The following RAB6A variants were observed in gnomAD, a reference collection of about 807,000 sequenced individuals.
RAB6A encodes the protein ras-related protein Rab-6A.
Under a neutral mutation model 32.3 loss-of-function variants are expected in RAB6A, and 8 were observed. The observed-to-expected ratio is 0.25, with a 90% confidence interval of 0.15 to 0.45. The LOEUF (loss-of-function observed/expected upper bound fraction) is 0.45, where lower values mean the gene tolerates loss of function less well. RAB6A is among the 20% of genes least tolerant of loss of function. The pLI is 1.00. For synonymous variants in RAB6A, 73 were observed against 82.1 expected (o/e 0.89, Z 0.60); for missense variants, 104 against 249.4 (o/e 0.42, Z 3.93).
chr11:73,717,083 G>A (rs1300651604), intron 4 of RAB6A, among the ~76,000 whole-genome samples: 3 of 152,150 alleles, frequency 2.0e-5, no homozygotes, highest in Admixed American at 2.0e-4. Flanking sequence ...ACGTGTCAAT[G>A]CACAATATGA....
chr11:73,682,288 G>GT (rs1945371493), intron 6 of RAB6A, among the ~76,000 whole-genome samples: 1 of 152,092 alleles, frequency 6.6e-6, no homozygotes, highest in South Asian at 2.1e-4. Context: ...GAGAGACCTT[G>GT]TTTTAAAAAA....
intron 5 of RAB6A, among the ~76,000 whole-genome samples, chr11:73,709,950 C>CATATATAT (rs71065028): frequency 3.1e-4 from 18 of 57,382 alleles, no homozygotes; most frequent in African/African-American, 4.0e-4. Context: ...CACACACACA[C>CATATATAT]ATATATATAT....
At chr11:73,684,588 CT>C (rs759381510) in intron 6 of RAB6A, among the ~76,000 whole-genome samples, 2 of 152,166 alleles carry the variant, frequency 1.3e-5, no homozygotes, top group Non-Finnish European at 2.9e-5. Context: ...GATATATTCA[CT>C]TTATTGTAGT....
chr11:73,712,788 C>T (rs1945984063), intron 5 of RAB6A, among the ~76,000 whole-genome samples: 1 of 150,112 alleles, frequency 6.7e-6, no homozygotes, highest in African/African-American at 2.5e-5. Context: ...GACACGATCT[C>T]AGATCACTGA....
chr11:73,702,897 C>G (rs1945769510), intron 6 of RAB6A, among the ~76,000 whole-genome samples: 1 of 151,534 alleles, frequency 6.6e-6, no homozygotes, highest in East Asian at 1.9e-4. Context: ...CGCTCTGTCA[C>G]CCAGGCTGGA....
chr11:73,727,273 T>G (rs1199799861), intron 2 of RAB6A, among the ~76,000 whole-genome samples: 1 of 151,698 alleles, frequency 6.6e-6, no homozygotes, highest in South Asian at 2.1e-4. Context: ...AAAATTTTTT[T>G]TAATTAGCTG....
At chr11:73,741,551 T>C (rs978259915) in intron 1 of RAB6A, among the ~76,000 whole-genome samples, 1 of 150,938 alleles carries the variant, frequency 6.6e-6, no homozygotes, top group East Asian at 1.9e-4. Flanking sequence ...AGGACGTACA[T>C]GTATGTTTAC....
At chr11:73,725,127 G>GT (rs1946196855) in intron 2 of RAB6A, among the ~76,000 whole-genome samples, 1 of 152,202 alleles carries the variant, frequency 6.6e-6, no homozygotes, top group Non-Finnish European at 1.5e-5. Flanking sequence ...AGATGATGTG[G>GT]TAAGAAAAAT....
At chr11:73,738,830 G>A (rs551214340) in intron 1 of RAB6A, among the ~76,000 whole-genome samples, 1 of 151,610 alleles carries the variant, frequency 6.6e-6, no homozygotes, top group South Asian at 2.1e-4. Flanking sequence ...TGTAGTCCCA[G>A]TTACTTGAGA....
intron 1 of RAB6A, 120 bp from the exon 2 acceptor site, chr11:73,730,943 GA>G: frequency 4.3e-6 from 3 of 695,064 alleles, no homozygotes; most frequent in East Asian, 5.5e-5. Flanking sequence ...GTTCTACTAA[GA>G]ATAATTAAAA....
intron 2 of RAB6A, among the ~76,000 whole-genome samples, chr11:73,724,482 T>C (rs1457390508): frequency 6.7e-6 from 1 of 149,026 alleles, no homozygotes; most frequent in African/African-American, 2.5e-5. Context: ...TAAATGCATT[T>C]CGTTTTTTTT....
chr11:73,689,006 C>T (rs1232425509), intron 6 of RAB6A, among the ~76,000 whole-genome samples: 1 of 151,974 alleles, frequency 6.6e-6, no homozygotes, highest in East Asian at 1.9e-4. Context: ...TCCTGTAGTC[C>T]AAGCTATTCA....
At chr11:73,736,530 G>A (rs1049385152) in intron 1 of RAB6A, among the ~76,000 whole-genome samples, 7 of 151,810 alleles carry the variant, frequency 4.6e-5, no homozygotes, top group South Asian at 2.1e-4. Context: ...TGTGGCTCAC[G>A]CCTGTAATCC....
intron 6 of RAB6A, among the ~76,000 whole-genome samples, chr11:73,693,321 A>C (rs1945606137): frequency 6.6e-6 from 1 of 151,940 alleles, no homozygotes; most frequent in Non-Finnish European, 1.5e-5. Context: ...TAAATAAATA[A>C]AGGATTTAAG....
intron 6 of RAB6A, among the ~76,000 whole-genome samples, chr11:73,682,764 A>G (rs958129085): frequency 1.3e-5 from 2 of 152,134 alleles, no homozygotes; most frequent in Non-Finnish European, 2.9e-5. Context: ...CCTGGGCTGA[A>G]GTGATCCTCC....
chr11:73,680,143 C>T (rs1019891276), intron 6 of RAB6A, among the ~76,000 whole-genome samples: 1 of 151,918 alleles, frequency 6.6e-6, no homozygotes, highest in Non-Finnish European at 1.5e-5. Context: ...TCTATTCATT[C>T]TATAAACGAG....
chr11:73,710,188 G>C (rs1442182103), intron 5 of RAB6A, among the ~76,000 whole-genome samples: 2 of 148,142 alleles, frequency 1.4e-5, no homozygotes, highest in South Asian at 4.2e-4. Flanking sequence ...GGATGGTCTC[G>C]ATCTCCGGAC....
At position 73,726,104 on chromosome 11, in the gene RAB6A, G is replaced by T. The variant is rs1041284769; in HGVS notation, c.129+4661C>A. ...GTTTGAGACCAGCCTGGCCAATATGGTGAAACCCCGTCTCTAGTAAAAATA... is the reference window on the plus strand; with the variant it reads ...GTTTGAGACCAGCCTGGCCAATATGTTGAAACCCCGTCTCTAGTAAAAATA... On this transcript the variant is annotated intron_variant, in intron 2 of 7. Transcript: ENST00000336083. Among the ~76,000 whole-genome samples, 4 of 152,092 alleles carry T rather than the reference G, an allele frequency of 2.6e-5. No individual in the cohort carries two copies. The East Asian group carries it at 7.7e-4, about 29-fold the overall frequency.
At chr11:73,700,787 T>C (rs1340693682) in intron 6 of RAB6A, among the ~76,000 whole-genome samples, 3 of 152,166 alleles carry the variant, frequency 2.0e-5, no homozygotes, top group African/African-American at 7.2e-5. Context: ...TACTGATTGT[T>C]TTATTTTTTA....
Sources: gnomAD v4.1 joint callset for allele counts (sites outside exome capture counted in the v4.1 genomes callset) on GRCh38, gnomAD v4.1.1 for gene constraint, MANE v1.5 for transcripts, NCBI Gene and HGNC (gene_info 2026-07-23, HGNC 2026-07-21) for gene names.